The following TSGA10 variants were observed in gnomAD, a reference collection of about 807,000 sequenced individuals.
TSGA10 encodes testis-specific gene 10 protein.
Under a neutral mutation model 96.6 loss-of-function variants are expected in TSGA10, and 43 were observed. The ratio of observed to expected loss-of-function variants is 0.44; its 90% confidence interval spans 0.35 to 0.57. The LOEUF (loss-of-function observed/expected upper bound fraction) is 0.57, where lower values mean the gene tolerates loss of function less well. TSGA10 is among the 20% of genes least tolerant of loss of function. The pLI is 0.01. For missense variants in TSGA10, 703 were observed against 834.4 expected (o/e 0.84, Z 1.94); for synonymous variants, 229 against 269.9 (o/e 0.85, Z 1.48).
chr2:99,068,338 C>A (rs2085505295), intron 15 of TSGA10, among the ~76,000 whole-genome samples: 1 of 152,016 alleles, frequency 6.6e-6, no homozygotes, highest in African/African-American at 2.4e-5. Flanking sequence ...AATATTTTAC[C>A]TAATAGACAT....
chr2:99,023,709 G>A (rs140203335), intron 17 of TSGA10, among the ~76,000 whole-genome samples: 20 of 152,312 alleles, frequency 1.3e-4, no homozygotes, highest in African/African-American at 4.3e-4. Context: ...GGGCACAAAT[G>A]TATAAACCAT....
At chr2:99,077,551 C>T (rs896566310) in intron 12 of TSGA10, among the ~76,000 whole-genome samples, 1 of 151,798 alleles carries the variant, frequency 6.6e-6, no homozygotes, top group Admixed American at 6.6e-5. Flanking sequence ...GTTGGCAACA[C>T]CTTTTATTTA....
Position 99,035,172 on chromosome 2 carries a change from A to T in TSGA10, c.1614+58T>A. On this transcript the variant is annotated intron_variant, in intron 17 of 20. Transcript: ENST00000393483. ...CATAAAAAAGAACTTACTTTTCCAA[A>T]ATTATACTAACTTTACAGTAATAGC... 4 of 1,333,630 alleles carry T rather than the reference A, an allele frequency of 3.0e-6. No homozygotes were observed. In the East Asian group the frequency reaches 1.0e-4, roughly 34 times the overall value. 82.6% of individuals were successfully genotyped at this position (1,333,630 alleles called of 1,614,324 possible). A position where few individuals can be genotyped will look rare whatever the true frequency, so the allele number is the denominator to read the frequency against.
At chr2:99,046,243 A>T (rs1405823030) in intron 16 of TSGA10, among the ~76,000 whole-genome samples, 2 of 151,858 alleles carry the variant, frequency 1.3e-5, no homozygotes, top group African/African-American at 2.4e-5. Context: ...TCTACAGAAC[A>T]CTCCACCCCA....
chr2:99,003,913 A>G (rs1006093117), intron 20 of TSGA10, among the ~76,000 whole-genome samples: 2 of 152,216 alleles, frequency 1.3e-5, no homozygotes, highest in Non-Finnish European at 2.9e-5. Context: ...GAGCAAACAC[A>G]TTCAAAAGCT....
chr2:99,005,686 A>T (rs1179512271), intron 20 of TSGA10, among the ~76,000 whole-genome samples: 2 of 152,240 alleles, frequency 1.3e-5, no homozygotes, highest in Non-Finnish European at 2.9e-5. Context: ...ATGGGTAGGA[A>T]GAATCAATAT....
At chr2:99,086,982 A>G (rs2088526481) in intron 10 of TSGA10, among the ~76,000 whole-genome samples, 1 of 152,080 alleles carries the variant, frequency 6.6e-6, no homozygotes, top group Admixed American at 6.5e-5. Flanking sequence ...AGGAGGGCGA[A>G]TCACGAGGTC....
chr2:99,017,335 C>T (rs939363893), intron 20 of TSGA10, among the ~76,000 whole-genome samples: 3 of 152,108 alleles, frequency 2.0e-5, no homozygotes, highest in Non-Finnish European at 2.9e-5. Context: ...TAAAAAGGAA[C>T]GAAATAATGG....
chr2:99,087,397 T>C (rs1214811059), intron 10 of TSGA10, among the ~76,000 whole-genome samples: 5 of 151,808 alleles, frequency 3.3e-5, no homozygotes, highest in African/African-American at 1.2e-4. Flanking sequence ...TCCCAGCTAC[T>C]TGGGGGGCTG....
chr2:99,036,208 T>C (rs1177937726), intron 16 of TSGA10, among the ~76,000 whole-genome samples: 1 of 152,126 alleles, frequency 6.6e-6, no homozygotes, highest in Admixed American at 6.5e-5. Flanking sequence ...ATTTTACAAG[T>C]GTAAAGCACT....
intron 16 of TSGA10, among the ~76,000 whole-genome samples, chr2:99,057,479 T>C (rs562794027): frequency 1.2e-4 from 19 of 152,122 alleles, no homozygotes; most frequent in African/African-American, 4.6e-4. Context: ...AAAATAAAAA[T>C]AAGAAAACAA....
chr2:99,042,069 G>A (rs188893583), intron 16 of TSGA10, among the ~76,000 whole-genome samples: 1,812 of 145,666 alleles, frequency 0.012, 15 homozygotes, highest in Admixed American at 0.02. Context: ...TTGAGACAGG[G>A]TCTTACTCTG....
At chr2:99,050,198 T>C (rs985760316) in intron 16 of TSGA10, among the ~76,000 whole-genome samples, 12 of 152,114 alleles carry the variant, frequency 7.9e-5, no homozygotes, top group Admixed American at 4.6e-4. Flanking sequence ...TCTATAAATA[T>C]ATAGTTGCCC....
chr2:99,009,860 G>A (rs2078856591), intron 20 of TSGA10, among the ~76,000 whole-genome samples: 1 of 152,166 alleles, frequency 6.6e-6, no homozygotes, highest in Non-Finnish European at 1.5e-5. Context: ...GTGTGTCTGT[G>A]AAGAAACATG....
chr2:99,091,558 C>T (rs1241444099), intron 10 of TSGA10, among the ~76,000 whole-genome samples: 3 of 152,076 alleles, frequency 2.0e-5, no homozygotes, highest in Non-Finnish European at 2.9e-5. Flanking sequence ...TTTCAAGAGA[C>T]TCACCTAACA....
At chr2:99,131,692 T>C (rs895273755) in intron 1 of TSGA10, among the ~76,000 whole-genome samples, 4 of 152,194 alleles carry the variant, frequency 2.6e-5, no homozygotes, top group East Asian at 1.9e-4. Context: ...ATCCTTGTCT[T>C]GTGCTGGTTT....
At position 99,018,339 on chromosome 2, in the gene TSGA10, C is replaced by T. The variant is rs199944078; in HGVS notation, c.1933G>A (p.Val645Ile). The change falls in exon 20 of 21, where the codon GTA (valine) becomes ATA (isoleucine). Residue 645 changes from valine to isoleucine, a missense_variant. By Grantham distance (29) the Val-to-Ile change is conservative. Coordinates refer to ENST00000393483, the MANE Select transcript of TSGA10 (RefSeq NM_025244.4). ...GTERFERERA[V>I]QELRRQNYSS... Reference sequence around the variant, plus strand: ...TAATTTTGGCGGCGAAGTTCTTGTACGGCCCTCTCCCTAAAGCAAAATAGT... The same window carrying T: ...TAATTTTGGCGGCGAAGTTCTTGTATGGCCCTCTCCCTAAAGCAAAATAGT... 24 of 1,613,812 alleles carry T rather than the reference C, an allele frequency of 1.5e-5. No individual in the cohort carries two copies. Among genetic ancestry groups the T allele is most frequent in the Middle Eastern group, 1.6e-4 (1 of 6,084 alleles).
At chr2:98,998,538 T>G (rs940433009) in intron 20 of TSGA10, among the ~76,000 whole-genome samples, 1 of 152,188 alleles carries the variant, frequency 6.6e-6, no homozygotes, top group African/African-American at 2.4e-5. Flanking sequence ...ATTATAGAGA[T>G]GGCGAAGAAA....
At chr2:99,114,897 A>G (rs1004000314) in intron 4 of TSGA10, among the ~76,000 whole-genome samples, 4 of 152,156 alleles carry the variant, frequency 2.6e-5, no homozygotes, top group Non-Finnish European at 4.4e-5. Flanking sequence ...ATTTGAAAAC[A>G]AAAACAAGGA....
Sources: allele counts gnomAD v4.1 joint callset (sites outside exome capture counted in the v4.1 genomes callset), GRCh38; gene constraint gnomAD v4.1.1; transcripts MANE v1.5; gene names NCBI Gene and HGNC (gene_info 2026-07-23, HGNC 2026-07-21).